KIAA1328: variants seen among roughly 807,000 people sequenced by gnomAD.
The protein encoded by KIAA1328 is protein hinderin.
A neutral mutation model predicts 68.1 loss-of-function variants in KIAA1328; 52 were observed. The observed-to-expected ratio is 0.76, with a 90% CI of 0.61 to 0.96. KIAA1328 has a LOEUF of 0.96. Among genes scored for constraint, KIAA1328 ranks in the 40% least tolerant of loss-of-function variants. The pLI, the probability that KIAA1328 is intolerant of heterozygous loss-of-function variation, is 0.00. For synonymous variants in KIAA1328, 232 were observed against 239.4 expected (o/e 0.97, Z 0.28); for missense variants, 641 against 677.6 (o/e 0.95, Z 0.60).
intron 9 of KIAA1328, among the ~76,000 whole-genome samples, chr18:37,206,209 C>G (rs1413476483): frequency 6.6e-6 from 1 of 152,062 alleles, no homozygotes; most frequent in Non-Finnish European, 1.5e-5. Context: ...ACTGAGTGAG[C>G]CTACCTGGAA....
At chr18:37,019,124 T>C (rs895574426) in intron 6 of KIAA1328, among the ~76,000 whole-genome samples, 6 of 63,266 alleles carry the variant, frequency 9.5e-5, no homozygotes, top group African/African-American at 1.8e-4. Flanking sequence ...GTTATTGTTG[T>C]TGTTTTATTT....
chr18:37,176,279 A>G (rs2059595723), intron 9 of KIAA1328, among the ~76,000 whole-genome samples: 1 of 152,250 alleles, frequency 6.6e-6, no homozygotes, highest in South Asian at 2.1e-4. Context: ...AATATTTATT[A>G]ACTCATAAAG....
intron 6 of KIAA1328, among the ~76,000 whole-genome samples, chr18:37,036,524 T>C (rs145439485): frequency 2.6e-5 from 4 of 152,330 alleles, no homozygotes; most frequent in African/African-American, 9.6e-5. Context: ...TGATGACTAT[T>C]TGGCATGTAC....
chr18:37,098,629 G>GA, intron 7 of KIAA1328, among the ~76,000 whole-genome samples: 1 of 152,282 alleles, frequency 6.6e-6, no homozygotes, highest in South Asian at 2.1e-4. Context: ...CTATTGACTG[G>GA]AATAGTTTCA....
chr18:36,950,238 C>A (rs964479820), intron 5 of KIAA1328, among the ~76,000 whole-genome samples: 8 of 152,082 alleles, frequency 5.3e-5, no homozygotes, highest in Admixed American at 2.0e-4. Context: ...ATGAGAAAAT[C>A]TTGCTAGGTT....
chr18:37,013,198 T>A (rs1368993044), intron 6 of KIAA1328, among the ~76,000 whole-genome samples: 1 of 152,130 alleles, frequency 6.6e-6, no homozygotes, highest in East Asian at 1.9e-4. Context: ...GCACTAGTAT[T>A]TGGAATTAGG....
chr18:37,032,024 TA>T lies in KIAA1328; in HGVS notation c.577-34862del, dbSNP rs201687294. ...TCTACAAAGAAAGAAACAAAAAAAC[TA>T]AAATACTAGCCAGGTATGGTAGCAT... On this transcript the variant is annotated intron_variant, in intron 6 of 9. Transcript: ENST00000280020. Among the ~76,000 whole-genome samples the T allele has an allele frequency of 8.0e-3, 1,212 of 151,858 alleles. 14 individuals are homozygous for T. Among genetic ancestry groups the T allele is most frequent in the Non-Finnish European group, 0.014 (922 of 67,906 alleles).
intron 7 of KIAA1328, among the ~76,000 whole-genome samples, chr18:37,159,308 C>G (rs1271197832): frequency 6.6e-6 from 1 of 152,206 alleles, no homozygotes; most frequent in South Asian, 2.1e-4. Context: ...GGCAACACTC[C>G]ATTCAGCTTG....
At chr18:37,041,809 T>A (rs929259721) in intron 6 of KIAA1328, among the ~76,000 whole-genome samples, 8 of 152,236 alleles carry the variant, frequency 5.3e-5, no homozygotes, top group Non-Finnish European at 8.8e-5. Flanking sequence ...AGTATTCCAA[T>A]AAAATATAAA....
intron 7 of KIAA1328, among the ~76,000 whole-genome samples, chr18:37,105,916 CAAAAAA>C (rs58940699): frequency 0.027 from 527 of 19,462 alleles, 8 homozygotes; most frequent in African/African-American, 0.057. Flanking sequence ...GACTCTGTGT[CAAAAAA>C]AAAAAAAAAA....
chr18:37,102,099 T>C (rs1014801093), intron 7 of KIAA1328, among the ~76,000 whole-genome samples: 1 of 152,128 alleles, frequency 6.6e-6, no homozygotes, highest in Non-Finnish European at 1.5e-5. Context: ...CATGTAAAAA[T>C]TCTTAAGACA....
chr18:36,875,253 A>T (rs895165890), intron 4 of KIAA1328, among the ~76,000 whole-genome samples: 1 of 152,194 alleles, frequency 6.6e-6, no homozygotes, highest in Non-Finnish European at 1.5e-5. Context: ...TCTATAAGTT[A>T]CTTTGGGCAG....
At chr18:37,124,359 C>T (rs2058342626) in intron 7 of KIAA1328, among the ~76,000 whole-genome samples, 2 of 152,038 alleles carry the variant, frequency 1.3e-5, no homozygotes, top group South Asian at 4.2e-4. Context: ...TATAGTAAGT[C>T]CTGTTGACTC....
At chr18:37,163,352 G>A (rs1365556302) in intron 8 of KIAA1328, among the ~76,000 whole-genome samples, 2 of 152,144 alleles carry the variant, frequency 1.3e-5, no homozygotes, top group Non-Finnish European at 2.9e-5. Context: ...CCTGACTTTG[G>A]CCGCTCCCTT....
chr18:36,916,740 T>C (rs1004593237), intron 5 of KIAA1328, among the ~76,000 whole-genome samples: 6 of 152,154 alleles, frequency 3.9e-5, no homozygotes, highest in Non-Finnish European at 5.9e-5. Context: ...AGTTAATGAA[T>C]GTGGTTTCTT....
At chr18:37,063,771 CAGTT>C (rs1190651197) in intron 6 of KIAA1328, 16 of 563,754 alleles carry the variant, frequency 2.8e-5, no homozygotes, top group Non-Finnish European at 9.0e-6. Context: ...GATAATTTCA[CAGTT>C]AGTACCATTA....
chr18:36,934,928 G>A lies in KIAA1328; in HGVS notation c.449-24380G>A, dbSNP rs2050446646. Among the ~76,000 whole-genome samples the A allele has an allele frequency of 6.6e-5, 10 of 152,232 alleles. No homozygotes were observed. The South Asian group carries it at 2.1e-3, about 32-fold the overall frequency. ...TTATTTACATATTGGTCCAAGTTAG[G>A]TCTCAAAGGGCAAATCACTTTAAAA... On this transcript the variant is annotated intron_variant, in intron 5 of 9. Coordinates refer to ENST00000280020, the MANE Select transcript of KIAA1328 (RefSeq NM_020776.3).
intron 9 of KIAA1328, among the ~76,000 whole-genome samples, chr18:37,182,353 G>A (rs2154215722): frequency 6.6e-6 from 1 of 152,304 alleles, no homozygotes; most frequent in South Asian, 2.1e-4. Flanking sequence ...GAGCCCAGGT[G>A]TAATAATTAT....
chr18:36,993,501 CT>C (rs2053269733), intron 6 of KIAA1328, among the ~76,000 whole-genome samples: 1 of 152,140 alleles, frequency 6.6e-6, no homozygotes, highest in South Asian at 2.1e-4. Flanking sequence ...GGAAGGTATA[CT>C]GATTTTCTCA....
Sources: gnomAD v4.1 joint callset for allele counts (sites outside exome capture counted in the v4.1 genomes callset) on GRCh38, gnomAD v4.1.1 for gene constraint, MANE v1.5 for transcripts, NCBI Gene and HGNC (gene_info 2026-07-23, HGNC 2026-07-21) for gene names.